Variants in CACNG7 observed in about 807,000 individuals in gnomAD.
CACNG7 encodes the protein calcium voltage-gated channel auxiliary subunit gamma 7.
A neutral mutation model predicts 26.3 loss-of-function variants in CACNG7; 9 were observed. The ratio of observed to expected loss-of-function variants is 0.34; its 90% CI spans 0.21 to 0.60. The LOEUF is 0.60. Ranked by LOEUF, CACNG7 falls within the 20% of genes least tolerant of loss-of-function variation. The pLI, the probability that CACNG7 is intolerant of heterozygous loss-of-function variation, is 0.81. For missense variants in CACNG7, 297 were observed against 380.4 expected, an observed-to-expected ratio of 0.78 and a Z score of 1.82; for synonymous variants, 170 against 157.0, an observed-to-expected ratio of 1.08 and a Z score of -0.62.
In CACNG7 at chr19:53,939,701, G is replaced by A. The variant is rs532608908; in HGVS notation, c.425-1769G>A. Among the ~76,000 whole-genome samples the A allele has an allele frequency of 5.9e-5, 9 of 152,054 alleles. No homozygotes were observed. The highest frequency in any genetic ancestry group is 2.6e-4 in the Admixed American group (4 of 15,260). ...GCTGATGGGCATTTGGGCTGTTTCC[G>A]CTTTTTGGCTATTACGCATAACGCT... On this transcript the variant is annotated intron_variant, in intron 4 of 5. Coordinates refer to ENST00000391767, the MANE Select transcript of CACNG7 (RefSeq NM_031896.5). The surrounding 1 kb of genome is among the most constrained non-coding windows in gnomAD (Gnocchi z 4.2).
intron 4 of CACNG7, among the ~76,000 whole-genome samples, chr19:53,932,874 G>A (rs1343861380): frequency 3.0e-5 from 4 of 135,338 alleles, no homozygotes; most frequent in Admixed American, 8.3e-5. Context: ...CGCTCTTGTC[G>A]TCCAGGCACT....
chr19:53,912,764 G>A lies in CACNG7; in HGVS notation c.-29-39G>A. 3.3e-6 allele frequency: 5 copies of A among 1,532,054 alleles called. No homozygotes were observed. The highest frequency in any genetic ancestry group is 2.3e-5 in the East Asian group (1 of 44,330). 94.9% of individuals were successfully genotyped at this position (1,532,054 alleles called of 1,614,324 possible). ...CTGCATGGGGTCAAGCACTCTGGTC[G>A]GTCCCATGGAGCTCTGCACTGTAGC... On this transcript the variant is annotated intron_variant, in intron 1 of 5. Transcript: ENST00000391767. The surrounding 1 kb of genome is among the most constrained non-coding windows in gnomAD (Gnocchi z 4.6).
chr19:53,915,290 C>T (rs765199197), intron 3 of CACNG7, 75 bp from the exon 4 acceptor site: 24 of 1,140,628 alleles, frequency 2.1e-5, no homozygotes, highest in Non-Finnish European at 3.0e-5. Context: ...GTGGTGAGAG[C>T]AGAGGTCAAG....
chr19:53,925,778 G>T (rs1266998924), intron 4 of CACNG7, among the ~76,000 whole-genome samples: 1 of 152,236 alleles, frequency 6.6e-6, no homozygotes, highest in African/African-American at 2.4e-5. Flanking sequence ...GGATGCTTGT[G>T]TAGTGGCCCA....
In CACNG7 at chr19:53,932,791, C is replaced by T. The variant is rs528299034; in HGVS notation, c.425-8679C>T. 6.7e-5 allele frequency among the ~76,000 whole-genome samples: 10 copies of T among 148,754 alleles called. No homozygotes were observed. The South Asian group carries it at 1.9e-3, about 28-fold the overall frequency. The stretch of plus-strand genomic sequence containing the variant: ...GTTTTCCAATGGAATCTTCTGTTGT[C>T]GTTTAATATGTTCATCTATTTCAGT... On this transcript the variant is annotated intron_variant, in intron 4 of 5. Transcript: ENST00000391767.
chr19:53,929,955 A>G (rs4806476), intron 4 of CACNG7, among the ~76,000 whole-genome samples: 78,689 of 151,708 alleles, frequency 0.52, 22,040 homozygotes, highest in African/African-American at 0.73. Flanking sequence ...GAATAATAAA[A>G]AACAAGGTGG....
intron 4 of CACNG7, among the ~76,000 whole-genome samples, chr19:53,920,796 G>T: frequency 9.9e-6 from 1 of 100,988 alleles, no homozygotes; most frequent in East Asian, 2.6e-4. Context: ...CTGGTCATTG[G>T]TGGACTTGCC....
In CACNG7 at chr19:53,912,997, G is replaced by A. The variant is rs896056577; in HGVS notation, c.166G>A (p.Ala56Thr). 1.9e-5 allele frequency: 30 copies of A among 1,612,356 alleles called. No individual in the cohort carries two copies. The highest frequency in any genetic ancestry group is 2.4e-5 in the Non-Finnish European group (28 of 1,178,756). Residue 56 changes from alanine to threonine, a missense_variant, in exon 2 of 6, where the codon GCC (alanine) becomes ACC (threonine). Transcript: ENST00000391767. The surrounding 1 kb of genome is among the most constrained non-coding windows in gnomAD (Gnocchi z 4.6). ...QTTEVKMALH[A>T]GLWRVCFFAG... ...CACCGAGGTCAAGATGGCCCTGCAC[G>A]CCGGCCTCTGGCGAGTCTGCTTCTT... is the stretch of plus-strand genomic sequence containing the variant.
intron 4 of CACNG7, among the ~76,000 whole-genome samples, chr19:53,935,797 T>A (rs1321213902): frequency 6.6e-6 from 1 of 151,774 alleles, no homozygotes; most frequent in Non-Finnish European, 1.5e-5. Flanking sequence ...CCCACCACCA[T>A]GCCCAGCTAA....
rs1046396379 is a variant in CACNG7 at position 53,909,547 on chromosome 19, A to C, written c.-30+30A>C. Reference sequence around the variant, plus strand: ...GCGCTAGCGGAGGGTCCTGGGAGGAAGAAGGGGCGCCCCTCGAGGTGGCTG... The same window carrying C: ...GCGCTAGCGGAGGGTCCTGGGAGGACGAAGGGGCGCCCCTCGAGGTGGCTG... On this transcript the variant is annotated intron_variant, in intron 1 of 5. Transcript: ENST00000391767. This position sits in a 1 kb window ranked among gnomAD's most constrained non-coding sequence, Gnocchi z 5.1. 6.6e-6 allele frequency: 1 copy of C among 152,496 alleles called. No homozygotes were observed. The highest frequency in any genetic ancestry group is 6.5e-5 in the Admixed American group (1 of 15,280). The allele number at this position is 152,496 out of a possible 1,614,324, so 9.4% of individuals were successfully genotyped here. A position where few individuals can be genotyped will look rare whatever the true frequency, so the allele number is the denominator to read the frequency against.
At chr19:53,938,227 T>C (rs1447409220) in intron 4 of CACNG7, among the ~76,000 whole-genome samples, 1 of 152,008 alleles carries the variant, frequency 6.6e-6, no homozygotes, top group Admixed American at 6.6e-5. Flanking sequence ...GCATGCCTGT[T>C]GTCCCAGCTA....
intron 4 of CACNG7, among the ~76,000 whole-genome samples, chr19:53,922,865 T>C (rs1489883158): frequency 4.0e-5 from 3 of 74,542 alleles, no homozygotes; most frequent in African/African-American, 3.3e-4. Flanking sequence ...GGTCTGGTCA[T>C]TGGTGGAGTT....
At chr19:53,922,359 G>C (rs1190113259) in intron 4 of CACNG7, among the ~76,000 whole-genome samples, 10 of 108,488 alleles carry the variant, frequency 9.2e-5, no homozygotes, top group African/African-American at 3.8e-4. Context: ...GTCATTGGTG[G>C]AGTTGTCCCC....
intron 4 of CACNG7, among the ~76,000 whole-genome samples, chr19:53,926,389 T>G (rs1313853466): frequency 6.6e-6 from 1 of 151,870 alleles, no homozygotes; most frequent in Non-Finnish European, 1.5e-5. Flanking sequence ...GTACACTCAT[T>G]ATTCCTCCCT....
chr19:53,941,889 AAG>A, intron 5 of CACNG7, 145 bp from the exon 6 acceptor site: 1 of 1,156,340 alleles, frequency 8.6e-7, no homozygotes, highest in Non-Finnish European at 1.2e-6. Flanking sequence ...GTCCCGGGGA[AAG>A]AGAGGGCTGG....
rs1426974205 is a variant in CACNG7, at chr19:53,909,429, T to TGGCGGC, written c.-108_-103dup. 2.7e-5 allele frequency: 4 copies of TGGCGGC among 147,018 alleles called. No individual in the cohort carries two copies. The highest frequency in any genetic ancestry group is 3.8e-4 in the South Asian group (2 of 5,308). The allele number at this position is 147,018 out of a possible 1,614,324, so 9.1% of individuals were successfully genotyped here. Reference sequence around the variant, plus strand: ...GGGGCGCGGGCACCGGCGACCCCGGTGGCGGCGGCGGCGGCCGGGGGAAGC... The same window carrying TGGCGGC: ...GGGGCGCGGGCACCGGCGACCCCGGTGGCGGCGGCGGCGGCGGCGGCCGGGGGAAGC... On this transcript the variant is annotated 5_prime_UTR_variant, in exon 1 of 6. Coordinates refer to ENST00000391767, the MANE Select transcript of CACNG7 (RefSeq NM_031896.5). The surrounding 1 kb of genome is among the most constrained non-coding windows in gnomAD (Gnocchi z 5.1).
chr19:53,915,218 A>C, intron 3 of CACNG7, 147 bp from the exon 4 acceptor site: 1 of 627,856 alleles, frequency 1.6e-6, no homozygotes, highest in South Asian at 1.9e-5. Context: ...GGGAAGGAGA[A>C]GAGTCAGTGG....
chr19:53,923,016 G>A (rs2068976905), intron 4 of CACNG7, among the ~76,000 whole-genome samples: 1 of 108,458 alleles, frequency 9.2e-6, no homozygotes, highest in Non-Finnish European at 1.8e-5. Context: ...AGTTGCCCCA[G>A]GCCTGGTCAT....
rs1476741718 is a variant in CACNG7 at position 53,915,434 on chromosome 19, G to A, written c.353G>A (p.Ser118Asn). 3 of 1,614,052 alleles carry A rather than the reference G, an allele frequency of 1.9e-6. No individual in the cohort carries two copies. Among genetic ancestry groups the A allele is most frequent in the Non-Finnish European group, 2.5e-6 (3 of 1,180,002 alleles). ...CTCGTGTTCACGGCCTTCGTCATCA[G>A]CAACATCGGCCACATCCGCCCGCAG... ...LFLVFTAFVI[S>N]NIGHIRPQRT... The change falls in exon 4 of 6, where the codon AGC becomes AAC. Residue 118 changes from serine (S) to asparagine (N), a missense_variant. Ser to Asn is a conservative substitution (Grantham distance 46). Coordinates refer to ENST00000391767, the MANE Select transcript of CACNG7 (RefSeq NM_031896.5).
Sources: allele counts gnomAD v4.1 joint callset (sites outside exome capture counted in the v4.1 genomes callset), GRCh38; gene constraint gnomAD v4.1.1; non-coding constraint Gnocchi (gnomAD v3.1); transcripts MANE v1.5; gene names NCBI Gene and HGNC (gene_info 2026-07-23, HGNC 2026-07-21).